Variants in AUTS2 observed in about 807,000 individuals in gnomAD.
AUTS2 encodes the protein activator of transcription and developmental regulator AUTS2.
Under a neutral mutation model 112.4 loss-of-function variants are expected in AUTS2, and 17 were observed. The ratio of observed to expected loss-of-function variants is 0.15; its 90% CI spans 0.10 to 0.23. AUTS2 has a LOEUF of 0.23. Among genes scored for constraint, AUTS2 ranks in the 10% least tolerant of loss-of-function variants. AUTS2 has a pLI of 1.00. For synonymous variants in AUTS2, 751 were observed against 702.7 expected (o/e 1.07, Z -1.09); for missense variants, 1,510 against 1,701.6 (o/e 0.89, Z 1.98).
At chr7:69,851,630 G>A (rs1792489031) in intron 1 of AUTS2, among the ~76,000 whole-genome samples, 1 of 152,114 alleles carries the variant, frequency 6.6e-6, no homozygotes, top group Non-Finnish European at 1.5e-5. Context: ...AACACTATAT[G>A]CCTTTCCTTT....
At chr7:70,741,143 T>C (rs556952280) in intron 6 of AUTS2, among the ~76,000 whole-genome samples, 1 of 151,878 alleles carries the variant, frequency 6.6e-6, no homozygotes, top group Non-Finnish European at 1.5e-5. Context: ...CTGGGATGAC[T>C]GTTGATCTGT....
At chr7:70,000,962 C>G (rs1799165362) in intron 2 of AUTS2, among the ~76,000 whole-genome samples, 1 of 152,220 alleles carries the variant, frequency 6.6e-6, no homozygotes, top group Non-Finnish European at 1.5e-5. Context: ...TCAACCCAGC[C>G]TTCTGCCAGG....
chr7:70,172,624 T>C (rs1475272236), intron 4 of AUTS2, among the ~76,000 whole-genome samples: 1 of 152,184 alleles, frequency 6.6e-6, no homozygotes, highest in Non-Finnish European at 1.5e-5. Context: ...CTTGAAAATA[T>C]GTATATCTAA....
At chr7:69,687,756 T>C (rs1195415581) in intron 1 of AUTS2, among the ~76,000 whole-genome samples, 1 of 152,206 alleles carries the variant, frequency 6.6e-6, no homozygotes, top group Admixed American at 6.5e-5. Flanking sequence ...TCTTTCTTTT[T>C]AAATACCCTT....
At chr7:69,651,190 T>A (rs79764267) in intron 1 of AUTS2, among the ~76,000 whole-genome samples, 2 of 152,174 alleles carry the variant, frequency 1.3e-5, no homozygotes, top group Non-Finnish European at 2.9e-5. Context: ...GAACGGGGTG[T>A]GAAACAAACT....
At position 70,103,909 on chromosome 7, in the gene AUTS2, C is replaced by CA. The variant is rs879409153; in HGVS notation, c.523-14211dup. The stretch of plus-strand genomic sequence containing the variant: ...TGGGCAACAGAGTGAGACTCCATCT[C>CA]AAAAAAAAAAAATAAATGAAAATAA... On this transcript the variant is annotated intron_variant, in intron 2 of 18. Coordinates refer to ENST00000342771, the MANE Select transcript of AUTS2 (RefSeq NM_015570.4). 4.2e-3 allele frequency among the ~76,000 whole-genome samples: 484 copies of CA among 116,414 alleles called. 3 individuals are homozygous for CA. Among genetic ancestry groups the CA allele is most frequent in the Admixed American group, 5.6e-3 (63 of 11,326 alleles). The allele number at this position is 116,414 out of a possible 152,430, so 76.4% of individuals were successfully genotyped here.
intron 5 of AUTS2, among the ~76,000 whole-genome samples, chr7:70,465,514 G>A (rs2115713573): frequency 6.6e-6 from 1 of 152,304 alleles, no homozygotes; most frequent in East Asian, 1.9e-4. Flanking sequence ...CTGGCCTCTT[G>A]AAGTCATTGG....
chr7:69,695,244 G>A (rs1336753568), intron 1 of AUTS2, among the ~76,000 whole-genome samples: 1 of 152,106 alleles, frequency 6.6e-6, no homozygotes, highest in Non-Finnish European at 1.5e-5. Flanking sequence ...TGGGAGGATA[G>A]CTCGAGCCCC....
chr7:70,739,921 C>G (rs1310674842), intron 6 of AUTS2, among the ~76,000 whole-genome samples: 3 of 152,110 alleles, frequency 2.0e-5, no homozygotes, highest in Non-Finnish European at 4.4e-5. Flanking sequence ...AAAGACAGCC[C>G]TTCAAATGTT....
intron 5 of AUTS2, among the ~76,000 whole-genome samples, chr7:70,510,822 G>A (rs1799151723): frequency 1.3e-5 from 2 of 151,802 alleles, no homozygotes. Flanking sequence ...AGTTTTCTCA[G>A]TTTTAATTTA....
intron 4 of AUTS2, among the ~76,000 whole-genome samples, chr7:70,367,651 TG>T (rs1351682771): frequency 1.6e-4 from 24 of 152,106 alleles, no homozygotes; most frequent in African/African-American, 4.3e-4. Flanking sequence ...TCACTAATGA[TG>T]GCTAGAAGAG....
intron 5 of AUTS2, among the ~76,000 whole-genome samples, chr7:70,490,267 G>C (rs182483718): frequency 1.4e-3 from 207 of 152,106 alleles, no homozygotes; most frequent in African/African-American, 4.8e-3. Context: ...GAAACCTGTA[G>C]CTAGAATGAA....
At chr7:70,025,652 C>T (rs946094170) in intron 2 of AUTS2, among the ~76,000 whole-genome samples, 3 of 151,628 alleles carry the variant, frequency 2.0e-5, no homozygotes, top group Admixed American at 1.3e-4. Context: ...GACAGAGTTT[C>T]ACTTTGTTGG....
At chr7:69,622,728 G>C (rs1252961563) in intron 1 of AUTS2, among the ~76,000 whole-genome samples, 1 of 152,192 alleles carries the variant, frequency 6.6e-6, no homozygotes, top group African/African-American at 2.4e-5. Flanking sequence ...TAACATATCA[G>C]CTTCCTTTTT....
intron 2 of AUTS2, among the ~76,000 whole-genome samples, chr7:70,099,431 G>T (rs1804370201): frequency 6.6e-6 from 1 of 151,764 alleles, no homozygotes; most frequent in Non-Finnish European, 1.5e-5. Flanking sequence ...TGTAATAATA[G>T]GTTTCTGAAT....
At chr7:70,356,090 C>T (rs542781592) in intron 4 of AUTS2, among the ~76,000 whole-genome samples, 3 of 152,152 alleles carry the variant, frequency 2.0e-5, no homozygotes, top group Non-Finnish European at 4.4e-5. Flanking sequence ...TTACCTTTAA[C>T]AGTTTAATTA....
intron 4 of AUTS2, among the ~76,000 whole-genome samples, chr7:70,208,011 C>CAAAAAA (rs61267230): frequency 1.5e-4 from 7 of 47,888 alleles, no homozygotes; most frequent in Admixed American, 7.0e-4. Context: ...AACTCCATCT[C>CAAAAAA]AAAAAAAAAA....
At chr7:70,216,687 T>C (rs1811181415) in intron 4 of AUTS2, among the ~76,000 whole-genome samples, 1 of 152,206 alleles carries the variant, frequency 6.6e-6, no homozygotes, top group South Asian at 2.1e-4. Context: ...AGGTATACAT[T>C]CTACACTGGC....
intron 4 of AUTS2, among the ~76,000 whole-genome samples, chr7:70,224,014 C>T (rs549923085): frequency 1.3e-5 from 2 of 152,024 alleles, no homozygotes; most frequent in Admixed American, 1.3e-4. Context: ...TAGTTTTTAA[C>T]AAAAACATTT....
Sources: gnomAD v4.1 joint callset for allele counts (sites outside exome capture counted in the v4.1 genomes callset) on GRCh38, gnomAD v4.1.1 for gene constraint, MANE v1.5 for transcripts, NCBI Gene and HGNC (gene_info 2026-07-23, HGNC 2026-07-21) for gene names.